The following XIRP2 variants were observed in gnomAD, a reference collection of about 807,000 sequenced individuals.
XIRP2 encodes the protein xin actin binding repeat containing 2.
In XIRP2, 236 loss-of-function variants were observed where a neutral mutation model predicts 277.0. The observed-to-expected ratio is 0.85, with a 90% CI of 0.77 to 0.95. XIRP2 has a LOEUF of 0.95. Among genes scored for constraint, XIRP2 ranks in the 40% least tolerant of loss-of-function variants. The pLI, the probability that XIRP2 is intolerant of heterozygous loss-of-function variation, is 0.00. For missense variants in XIRP2, 4,640 were observed against 4,157.5 expected, an observed-to-expected ratio of 1.12 and a Z score of -3.19; for synonymous variants, 1,490 against 1,416.5, an observed-to-expected ratio of 1.05 and a Z score of -1.17.
intron 2 of XIRP2, among the ~76,000 whole-genome samples, chr2:166,999,750 TAATTAACTTGTC>T (rs1687316090): frequency 6.6e-6 from 1 of 152,156 alleles, no homozygotes; most frequent in Non-Finnish European, 1.5e-5. Context: ...AAGCAAGAGA[TAATTAACTTGTC>T]AACAACATTT....
chr2:167,247,354 G>T lies in XIRP2; in HGVS notation c.5962G>T (p.Ala1988Ser), dbSNP rs768107526. The change falls in exon 9 of 11, where the codon GCC becomes TCC. Residue 1988 changes from alanine to serine, a missense_variant. Physicochemically the swap from Ala to Ser is moderately conservative, Grantham distance 99. Coordinates refer to ENST00000409195, the MANE Select transcript of XIRP2 (RefSeq NM_152381.6). Reference sequence around the variant, plus strand: ...AAAGCCAGGTCCATTTGAGCCAGCGGCCAAGTGGCAAGGGGGAGCAGATAC... The same window carrying T: ...AAAGCCAGGTCCATTTGAGCCAGCGTCCAAGTGGCAAGGGGGAGCAGATAC... ...QPKPGPFEPA[A>S]KWQGGADTLS... The T allele has an allele frequency of 4.3e-6, 7 of 1,613,724 alleles. No homozygotes were observed. The highest frequency in any genetic ancestry group is 1.7e-5 in the Admixed American group (1 of 59,984).
chr2:167,249,974 A>C lies in XIRP2; in HGVS notation c.8582A>C (p.His2861Pro), dbSNP rs781749524. The C allele has an allele frequency of 1.9e-6, 3 of 1,613,540 alleles. No homozygotes were observed. Residue 2861 changes from histidine to proline, a missense_variant, in exon 9 of 11, where the codon CAT becomes CCT. Transcript: ENST00000409195. ...KVVKQKVIDA[H>P]LDSQTQNFQQ... ...GTCAAGCAAAAGGTTATCGATGCACATCTTGATTCACAGACTCAGAATTTT... is the reference window on the plus strand; with the variant it reads ...GTCAAGCAAAAGGTTATCGATGCACCTCTTGATTCACAGACTCAGAATTTT...
At chr2:166,940,571 G>A (rs1685677602) in intron 2 of XIRP2, among the ~76,000 whole-genome samples, 1 of 152,118 alleles carries the variant, frequency 6.6e-6, no homozygotes, top group African/African-American at 2.4e-5. Context: ...CCCCATCTTT[G>A]TAGTTTTATC....
chr2:166,971,879 C>T (rs997607347), intron 2 of XIRP2, among the ~76,000 whole-genome samples: 9 of 152,020 alleles, frequency 5.9e-5, no homozygotes, highest in African/African-American at 2.2e-4. Flanking sequence ...TAAAGTAGTG[C>T]CCATGATTAC....
chr2:167,070,393 G>A (rs749247903), intron 2 of XIRP2, among the ~76,000 whole-genome samples: 5 of 152,006 alleles, frequency 3.3e-5, no homozygotes, highest in Non-Finnish European at 7.4e-5. Context: ...TATTAGTTAA[G>A]TTTTTTCTTA....
intron 3 of XIRP2, among the ~76,000 whole-genome samples, chr2:167,154,526 G>T (rs1407561428): frequency 1.3e-5 from 2 of 151,252 alleles, no homozygotes; most frequent in Non-Finnish European, 2.9e-5. Context: ...TTCTTCTAGG[G>T]TTTCTATGGT....
chr2:167,248,597 C>A lies in XIRP2; in HGVS notation c.7205C>A (p.Ser2402Ter). The A allele has an allele frequency of 6.2e-7, 1 of 1,613,744 alleles. No individual in the cohort carries two copies. The highest frequency in any genetic ancestry group is 2.2e-5 in the East Asian group (1 of 44,846). Residue 2402 changes from serine (S) to a stop codon, truncating the protein, a stop_gained, in exon 9 of 11, where the codon TCG (serine) becomes TAG (stop). Coordinates refer to ENST00000409195, the MANE Select transcript of XIRP2 (RefSeq NM_152381.6). LOFTEE classifies it high-confidence loss of function. ...FMQQYSQKEASNSQNSQAKII... is the reference protein window; with the variant it reads ...FMQQYSQKEA ...CAACAATATTCCCAAAAAGAAGCCT[C>A]GAACTCTCAGAATTCTCAGGCTAAA... is the stretch of plus-strand genomic sequence containing the variant.
rs375723185 is a variant in XIRP2, at chr2:167,249,966, C to A, written c.8574C>A (p.Ile2858=). 10 of 1,613,544 alleles carry A rather than the reference C, an allele frequency of 6.2e-6. No individual in the cohort carries two copies. Among genetic ancestry groups the A allele is most frequent in the Non-Finnish European group, 7.6e-6 (9 of 1,179,658 alleles). The change falls in exon 9 of 11, where the codon ATC becomes ATA. Residue 2858 remains isoleucine, a synonymous_variant. Coordinates refer to ENST00000409195, the MANE Select transcript of XIRP2 (RefSeq NM_152381.6). ...CAAAGGTCGTCAAGCAAAAGGTTAT[C>A]GATGCACATCTTGATTCACAGACTC... The part of the protein sequence containing the change: ...SAPKVVKQKV[I]DAHLDSQTQN...
chr2:167,239,328 T>C (rs1008791076), intron 5 of XIRP2, among the ~76,000 whole-genome samples: 6 of 152,224 alleles, frequency 3.9e-5, no homozygotes, highest in Non-Finnish European at 8.8e-5. Context: ...AATTTGTGAA[T>C]ACATTAAATT....
chr2:167,118,342 C>T (rs1033314033), intron 2 of XIRP2, among the ~76,000 whole-genome samples: 1 of 151,778 alleles, frequency 6.6e-6, no homozygotes, highest in Non-Finnish European at 1.5e-5. Flanking sequence ...ATTAGCCAGG[C>T]GTGGTGGCAT....
chr2:167,164,993 C>T (rs1027077637), intron 3 of XIRP2, among the ~76,000 whole-genome samples: 1 of 152,126 alleles, frequency 6.6e-6, no homozygotes, highest in African/African-American at 2.4e-5. Context: ...GCCTGTTTAT[C>T]CTTCCTTCCT....
intron 2 of XIRP2, among the ~76,000 whole-genome samples, chr2:166,904,315 C>A (rs1316239498): frequency 6.6e-6 from 1 of 152,136 alleles, no homozygotes; most frequent in Non-Finnish European, 1.5e-5. Flanking sequence ...TTTGGAACCA[C>A]AGTGATCCAG....
At chr2:167,254,554 G>C (rs1482393793) in intron 10 of XIRP2, among the ~76,000 whole-genome samples, 2 of 151,852 alleles carry the variant, frequency 1.3e-5, no homozygotes, top group Non-Finnish European at 2.9e-5. Context: ...TACTGCTTCT[G>C]TCACTACTCA....
At chr2:167,090,119 A>G (rs1191458950) in intron 2 of XIRP2, among the ~76,000 whole-genome samples, 4 of 152,084 alleles carry the variant, frequency 2.6e-5, no homozygotes, top group Non-Finnish European at 5.9e-5. Flanking sequence ...GTCTTTATGA[A>G]CTTACTGAAG....
At chr2:166,978,291 G>T (rs1199386325) in intron 2 of XIRP2, among the ~76,000 whole-genome samples, 1 of 152,068 alleles carries the variant, frequency 6.6e-6, no homozygotes, top group Non-Finnish European at 1.5e-5. Context: ...TCTACAATAA[G>T]TAATCAATCA....
At chr2:167,240,035 AGCATTT>A (rs367771885) in intron 6 of XIRP2, 70 bp downstream of exon 6, 1 of 1,351,870 alleles carries the variant, frequency 7.4e-7, no homozygotes, top group African/African-American at 1.5e-5. Context: ...CTTTGTTGTA[AGCATTT>A]GCATTTATTG....
intron 2 of XIRP2, among the ~76,000 whole-genome samples, chr2:166,940,624 G>A (rs1269995570): frequency 1.1e-4 from 16 of 152,112 alleles, no homozygotes. Flanking sequence ...ATGGGGTTTT[G>A]GTGTGGATAT....
intron 2 of XIRP2, among the ~76,000 whole-genome samples, chr2:167,119,127 G>A (rs1195181545): frequency 6.6e-6 from 1 of 152,154 alleles, no homozygotes; most frequent in Admixed American, 6.5e-5. Flanking sequence ...GGGTTGAAGA[G>A]CAAGTGAGAA....
chr2:167,025,291 G>C (rs1264039064), intron 2 of XIRP2, among the ~76,000 whole-genome samples: 3 of 152,016 alleles, frequency 2.0e-5, no homozygotes, highest in Non-Finnish European at 2.9e-5. Flanking sequence ...CTGTGGGATC[G>C]GTGGTAATAT....
Sources: gnomAD v4.1 joint callset for allele counts (sites outside exome capture counted in the v4.1 genomes callset) on GRCh38, gnomAD v4.1.1 for gene constraint, MANE v1.5 for transcripts, NCBI Gene and HGNC (gene_info 2026-07-23, HGNC 2026-07-21) for gene names.